The following KAT2B variants were observed in gnomAD, a reference collection of about 807,000 sequenced individuals.
The protein encoded by KAT2B is histone acetyltransferase KAT2B.
KAT2B carries 36 observed loss-of-function variants against 105.9 expected under a neutral mutation model. That is an observed-to-expected ratio of 0.34 (90% CI 0.26 to 0.45). The LOEUF (loss-of-function observed/expected upper bound fraction) is 0.45. Ranked by LOEUF, KAT2B falls within the 20% of genes least tolerant of loss-of-function variation. The probability of loss-of-function intolerance (pLI) is 1.00; values close to 1 mark genes in which losing one functional copy is unlikely to be tolerated. For synonymous variants in KAT2B, 397 were observed against 377.9 expected (o/e 1.05, Z -0.59); for missense variants, 820 against 1,021.6 (o/e 0.80, Z 2.69).
chr3:20,047,697 C>T (rs1179438755), intron 1 of KAT2B, among the ~76,000 whole-genome samples: 1 of 150,242 alleles, frequency 6.7e-6, no homozygotes, highest in African/African-American at 2.4e-5. Flanking sequence ...ACTGCAGCCT[C>T]CACCTCCCGG....
chr3:20,075,277 AAAG>A (rs1468095559), intron 2 of KAT2B, among the ~76,000 whole-genome samples: 2 of 152,110 alleles, frequency 1.3e-5, no homozygotes, highest in East Asian at 3.8e-4. Context: ...AAAAAAGAAA[AAAG>A]AAAATATAAT....
intron 1 of KAT2B, among the ~76,000 whole-genome samples, chr3:20,072,097 G>A (rs540883868): frequency 2.6e-5 from 4 of 152,280 alleles, no homozygotes; most frequent in Middle Eastern, 3.4e-3. Flanking sequence ...GGTCAGCTGC[G>A]TGAGCTGTAG....
chr3:20,061,986 T>TA (rs1222612772), intron 1 of KAT2B, among the ~76,000 whole-genome samples: 14,655 of 74,132 alleles, frequency 0.2, 2,517 homozygotes, highest in Non-Finnish European at 0.32. Context: ...ATATAAAACA[T>TA]ATAATATATA....
At chr3:20,083,877 C>T (rs906379523) in intron 2 of KAT2B, among the ~76,000 whole-genome samples, 3 of 152,006 alleles carry the variant, frequency 2.0e-5, no homozygotes, top group African/African-American at 7.2e-5. Flanking sequence ...ATGAGGAGTT[C>T]AGTCTTTGAG....
intron 1 of KAT2B, among the ~76,000 whole-genome samples, chr3:20,041,832 G>A (rs944635188): frequency 1.3e-5 from 2 of 152,212 alleles, no homozygotes; most frequent in African/African-American, 2.4e-5. Context: ...TCACAACCAA[G>A]CTGCAGTGAC....
intron 5 of KAT2B, among the ~76,000 whole-genome samples, chr3:20,104,988 C>A (rs1406555992): frequency 3.3e-5 from 5 of 151,336 alleles, no homozygotes; most frequent in Non-Finnish European, 7.4e-5. Context: ...TGAGTTCAGG[C>A]GATTTTCCTG....
chr3:20,134,409 GTTGTTT>G (rs1329814968), intron 11 of KAT2B, among the ~76,000 whole-genome samples: 129 of 151,734 alleles, frequency 8.5e-4, no homozygotes, highest in African/African-American at 3.1e-3. Flanking sequence ...TGTTGTTGTT[GTTGTTT>G]GAGACGGAGT....
intron 3 of KAT2B, 85 bp from the exon 4 acceptor site, chr3:20,099,777 C>G (rs1209517883): frequency 1.3e-5 from 9 of 672,206 alleles, no homozygotes; most frequent in African/African-American, 7.5e-5. Context: ...GAGAGAGAGA[C>G]AGACAGAAAC....
chr3:20,140,526 C>A lies in KAT2B; in HGVS notation c.2004+162C>A, dbSNP rs1699678546. 2.7e-5 allele frequency among the ~76,000 whole-genome samples: 4 copies of A among 148,610 alleles called. No homozygotes were observed. The South Asian group carries it at 8.3e-4, about 31-fold the overall frequency. On this transcript the variant is annotated intron_variant, in intron 13 of 17. Coordinates refer to ENST00000263754, the MANE Select transcript of KAT2B (RefSeq NM_003884.5). Reference sequence around the variant, plus strand: ...CTCTCTCTCTTTTTTGACACAGAGTCTCTCTGTCACCTAGACTGGAGTGCA... The same window carrying A: ...CTCTCTCTCTTTTTTGACACAGAGTATCTCTGTCACCTAGACTGGAGTGCA...
chr3:20,099,234 A>G (rs1201337012), intron 3 of KAT2B, among the ~76,000 whole-genome samples: 1 of 152,180 alleles, frequency 6.6e-6, no homozygotes, highest in Non-Finnish European at 1.5e-5. Flanking sequence ...GTTGGCCTGC[A>G]TTCTACGGAT....
At chr3:20,096,434 C>CTT (rs947749131) in intron 3 of KAT2B, among the ~76,000 whole-genome samples, 16 of 151,954 alleles carry the variant, frequency 1.1e-4, no homozygotes, top group Non-Finnish European at 1.5e-4. Flanking sequence ...AAAAATAGAT[C>CTT]TATAAAGGAG....
rs1463214368 is a variant in KAT2B at position 20,073,820 on chromosome 3, G to T, written c.430+1361G>T. ...GGAAATGTGACGTAATAAATGTCTG[G>T]ACTCAAGAAATCCTTAAGCCCTAGG... On this transcript the variant is annotated intron_variant, in intron 2 of 17. Transcript: ENST00000263754. 2.0e-5 allele frequency among the ~76,000 whole-genome samples: 3 copies of T among 152,200 alleles called. No homozygotes were observed. In the East Asian group the frequency reaches 5.8e-4, roughly 29 times the overall value.
chr3:20,083,017 A>G (rs1281271404), intron 2 of KAT2B, among the ~76,000 whole-genome samples: 1 of 152,178 alleles, frequency 6.6e-6, no homozygotes, highest in Non-Finnish European at 1.5e-5. Context: ...ATTAATTTTC[A>G]AAAGATTGGT....
chr3:20,058,424 T>C (rs1366967087), intron 1 of KAT2B, among the ~76,000 whole-genome samples: 1 of 127,916 alleles, frequency 7.8e-6, no homozygotes, highest in Non-Finnish European at 1.5e-5. Flanking sequence ...CACTGCACCG[T>C]AGCCTGGGCA....
intron 17 of KAT2B, among the ~76,000 whole-genome samples, chr3:20,150,027 C>A (rs1699845366): frequency 6.6e-6 from 1 of 152,220 alleles, no homozygotes; most frequent in Non-Finnish European, 1.5e-5. Flanking sequence ...TCATAGCCTA[C>A]TTGCAGCCTG....
At chr3:20,096,126 A>G (rs533330544) in intron 3 of KAT2B, among the ~76,000 whole-genome samples, 80 of 152,148 alleles carry the variant, frequency 5.3e-4, no homozygotes, top group African/African-American at 1.9e-3. Context: ...GTGGGAGGAG[A>G]TGTAGTTGGA....
intron 5 of KAT2B, among the ~76,000 whole-genome samples, chr3:20,110,858 C>T (rs920415981): frequency 6.6e-6 from 1 of 152,074 alleles, no homozygotes; most frequent in African/African-American, 2.4e-5. Flanking sequence ...CTGGGTCCTC[C>T]TCCAGCGTCG....
chr3:20,080,645 G>C lies in KAT2B; in HGVS notation c.430+8186G>C, dbSNP rs796995109. 3.9e-5 allele frequency among the ~76,000 whole-genome samples: 6 copies of C among 152,278 alleles called. 1 individual carries two copies. Among genetic ancestry groups the C allele is most frequent in the African/African-American group, 1.4e-4 (6 of 41,556 alleles). The stretch of plus-strand genomic sequence containing the variant: ...GGGCTGGTTGCATATATTTGCAGAG[G>C]AGCTTTCAAAGTTTATAATCTATAC... On this transcript the variant is annotated intron_variant, in intron 2 of 17. Transcript: ENST00000263754.
chr3:20,096,333 A>C (rs752219297), intron 3 of KAT2B, among the ~76,000 whole-genome samples: 1 of 152,104 alleles, frequency 6.6e-6, no homozygotes, highest in Non-Finnish European at 1.5e-5. Flanking sequence ...TACTATAGAC[A>C]TACATCTCCT....
Sources: allele counts gnomAD v4.1 joint callset (sites outside exome capture counted in the v4.1 genomes callset), GRCh38; gene constraint gnomAD v4.1.1; transcripts MANE v1.5; gene names NCBI Gene and HGNC (gene_info 2026-07-23, HGNC 2026-07-21).